KIAA0825: variants seen among roughly 807,000 people sequenced by gnomAD.
The protein encoded by KIAA0825 is KIAA0825.
Under a neutral mutation model 147.6 loss-of-function variants are expected in KIAA0825, and 119 were observed. That is an observed-to-expected ratio of 0.81 (90% CI 0.69 to 0.94). The LOEUF is 0.94. Ranked by LOEUF, KIAA0825 falls within the 40% of genes least tolerant of loss-of-function variation. The probability of loss-of-function intolerance (pLI) is 0.00; values close to 1 mark genes in which losing one functional copy is unlikely to be tolerated. For missense variants in KIAA0825, 1,381 were observed against 1,472.7 expected (o/e 0.94, Z 1.02); for synonymous variants, 470 against 518.1 (o/e 0.91, Z 1.26).
chr5:94,433,168 C>G (rs573935057), intron 14 of KIAA0825, among the ~76,000 whole-genome samples: 2 of 152,296 alleles, frequency 1.3e-5, no homozygotes, highest in South Asian at 4.1e-4. Flanking sequence ...GCTAGGACTA[C>G]AGGCGCCTGC....
chr5:94,423,836 G>A (rs1045982645), intron 14 of KIAA0825, among the ~76,000 whole-genome samples: 2 of 152,086 alleles, frequency 1.3e-5, no homozygotes, highest in African/African-American at 2.4e-5. Context: ...TTAAAAGGAC[G>A]TGAAGTATCA....
intron 20 of KIAA0825, among the ~76,000 whole-genome samples, chr5:94,202,161 G>T (rs1166660672): frequency 1.3e-5 from 2 of 152,212 alleles, no homozygotes; most frequent in East Asian, 3.8e-4. Context: ...CAAAGCCAAA[G>T]AATATTTGGT....
chr5:94,209,270 T>C (rs763847163), intron 20 of KIAA0825, among the ~76,000 whole-genome samples: 13 of 152,206 alleles, frequency 8.5e-5, no homozygotes, highest in Non-Finnish European at 1.8e-4. Context: ...TGATAAAATA[T>C]AATCATAGAA....
chr5:94,475,052 G>A (rs907142224), intron 7 of KIAA0825, among the ~76,000 whole-genome samples: 1 of 151,288 alleles, frequency 6.6e-6, no homozygotes, highest in African/African-American at 2.4e-5. Context: ...TGGCACCACT[G>A]CACTCCAGCC....
intron 5 of KIAA0825, among the ~76,000 whole-genome samples, chr5:94,490,571 T>C (rs1763612499): frequency 2.0e-5 from 3 of 152,054 alleles, no homozygotes; most frequent in Non-Finnish European, 4.4e-5. Context: ...GTTAAAAAAA[T>C]AAAATATACT....
intron 20 of KIAA0825, among the ~76,000 whole-genome samples, chr5:94,373,885 A>T (rs1747123299): frequency 6.6e-6 from 1 of 152,210 alleles, no homozygotes; most frequent in Non-Finnish European, 1.5e-5. Context: ...ATTTCCTCTC[A>T]TGTTGCTATA....
chr5:94,348,211 A>C (rs990871978), intron 20 of KIAA0825, among the ~76,000 whole-genome samples: 5 of 152,204 alleles, frequency 3.3e-5, no homozygotes, highest in African/African-American at 1.2e-4. Flanking sequence ...AAAAGTTTGG[A>C]AAACGTATTT....
chr5:94,375,331 A>G (rs991749622), intron 20 of KIAA0825, among the ~76,000 whole-genome samples: 1 of 151,988 alleles, frequency 6.6e-6, no homozygotes, highest in Admixed American at 6.5e-5. Flanking sequence ...ACACCCGGCC[A>G]AAAATAGATT....
chr5:94,512,268 G>T (rs1766594763), intron 5 of KIAA0825, among the ~76,000 whole-genome samples: 1 of 151,882 alleles, frequency 6.6e-6, no homozygotes, highest in Non-Finnish European at 1.5e-5. Flanking sequence ...TGAAAAAAAA[G>T]TTGGGTACTA....
At chr5:94,520,973 T>C (rs1768074482) in intron 4 of KIAA0825, 56 bp from the exon 5 acceptor site, 1 of 1,314,424 alleles carries the variant, frequency 7.6e-7, no homozygotes, top group Admixed American at 2.7e-5. Flanking sequence ...AAATGATTTC[T>C]ATAGTCATAT....
Position 94,251,898 on chromosome 5 carries a change from G to C in KIAA0825, c.3711-97774C>G, listed in dbSNP as rs547571748. Among the ~76,000 whole-genome samples, 32 of 151,802 alleles carry C rather than the reference G, an allele frequency of 2.1e-4. 1 individual carries two copies. Among genetic ancestry groups the C allele is most frequent in the African/African-American group, 7.0e-4 (29 of 41,436 alleles). ...GATATCTGATATGTTATTGCATTTG[G>C]GTACCACTCTCTAAGTATATTTAAT... is the stretch of plus-strand genomic sequence containing the variant. On this transcript the variant is annotated intron_variant, in intron 20 of 20. Coordinates refer to ENST00000682413, the MANE Select transcript of KIAA0825 (RefSeq NM_001145678.3).
intron 20 of KIAA0825, among the ~76,000 whole-genome samples, chr5:94,230,357 T>C (rs1416566935): frequency 6.6e-6 from 1 of 152,132 alleles, no homozygotes; most frequent in South Asian, 2.1e-4. Flanking sequence ...GAGGAGGAAA[T>C]TGTGGACTCA....
intron 2 of KIAA0825, among the ~76,000 whole-genome samples, chr5:94,545,068 G>A (rs1006235416): frequency 1.3e-5 from 2 of 152,052 alleles, no homozygotes; most frequent in Non-Finnish European, 2.9e-5. Flanking sequence ...GGTGGGGGTT[G>A]GGGGGCTGGC....
At chr5:94,165,163 GA>G (rs957054536) in intron 20 of KIAA0825, among the ~76,000 whole-genome samples, 1 of 151,994 alleles carries the variant, frequency 6.6e-6, no homozygotes, top group African/African-American at 2.4e-5. Context: ...CAACTCTACA[GA>G]AAAAAAGTCT....
chr5:94,247,809 T>C (rs1775708914), intron 20 of KIAA0825, among the ~76,000 whole-genome samples: 1 of 152,122 alleles, frequency 6.6e-6, no homozygotes, highest in African/African-American at 2.4e-5. Flanking sequence ...TCAAACACAC[T>C]CTTCTATTAA....
At chr5:94,307,861 A>AT (rs1362059129) in intron 20 of KIAA0825, among the ~76,000 whole-genome samples, 2 of 151,780 alleles carry the variant, frequency 1.3e-5, no homozygotes, top group Non-Finnish European at 2.9e-5. Flanking sequence ...AGGAAGGAGC[A>AT]TTCCTCCTAT....
intron 2 of KIAA0825, chr5:94,570,624 T>G (rs942812844): frequency 6.6e-6 from 1 of 152,248 alleles, no homozygotes; most frequent in Non-Finnish European, 1.5e-5. Flanking sequence ...TTCACGACAA[T>G]TTTAATCCTC....
chr5:94,410,664 T>C (rs1353298363), intron 15 of KIAA0825, among the ~76,000 whole-genome samples: 2 of 152,032 alleles, frequency 1.3e-5, no homozygotes, highest in African/African-American at 4.8e-5. Flanking sequence ...TCAGAAATAA[T>C]GCAAGCCAGA....
chr5:94,376,262 A>G (rs1305629867), intron 20 of KIAA0825, among the ~76,000 whole-genome samples: 2 of 152,182 alleles, frequency 1.3e-5, no homozygotes, highest in Non-Finnish European at 2.9e-5. Flanking sequence ...GTACATATTA[A>G]TAGATAAAGT....
Sources: gnomAD v4.1 joint callset for allele counts (sites outside exome capture counted in the v4.1 genomes callset) on GRCh38, gnomAD v4.1.1 for gene constraint, MANE v1.5 for transcripts, NCBI Gene and HGNC (gene_info 2026-07-23, HGNC 2026-07-21) for gene names.